The following CASP2 variants were observed in gnomAD, a reference collection of about 807,000 sequenced individuals.
The protein encoded by CASP2 is caspase-2.
A neutral mutation model predicts 54.4 loss-of-function variants in CASP2; 38 were observed. That is an observed-to-expected ratio of 0.70 (90% confidence interval 0.54 to 0.92). The LOEUF is 0.92. CASP2 is among the 40% of genes least tolerant of loss of function. CASP2 has a pLI of 0.00. For missense variants in CASP2, 512 were observed against 579.6 expected (o/e 0.88, Z 1.20); for synonymous variants, 215 against 216.3 (o/e 0.99, Z 0.05).
chr7:143,300,617 T>G (rs1319042787), intron 8 of CASP2: 2 of 1,360,072 alleles, frequency 1.5e-6, no homozygotes, highest in African/African-American at 1.5e-5. Context: ...GTGCCCTTTT[T>G]TTGGTTACTC....
chr7:143,289,274 T>G (rs1801480824), intron 1 of CASP2, among the ~76,000 whole-genome samples: 1 of 152,192 alleles, frequency 6.6e-6, no homozygotes, highest in African/African-American at 2.4e-5. Flanking sequence ...AAATTCTAAA[T>G]GATTGGAAAC....
At chr7:143,288,814 C>G (rs995448627) in intron 1 of CASP2, among the ~76,000 whole-genome samples, 1 of 152,220 alleles carries the variant, frequency 6.6e-6, no homozygotes, top group Non-Finnish European at 1.5e-5. Context: ...CAGTCCTGCC[C>G]GCTCTTGGGT....
Position 143,300,206 on chromosome 7 carries a change from C to G in CASP2, c.879C>G (p.Leu293=), listed in dbSNP as rs763497851. 6 of 1,614,026 alleles carry G rather than the reference C, an allele frequency of 3.7e-6. No individual in the cohort carries two copies. The African/African-American group carries it at 6.7e-5, about 18-fold the overall frequency. Residue 293 remains leucine, a splice_region_variant and synonymous_variant, in exon 8 of 11, where the codon CTC becomes CTG. Transcript: ENST00000310447. ...TCTTCCTTCTTTCTTTCTGGCAGCTCCAAGAGGTTTTTCAGCTCTTTGACA... is the reference window on the plus strand; with the variant it reads ...TCTTCCTTCTTTCTTTCTGGCAGCTGCAAGAGGTTTTTCAGCTCTTTGACA... ...IYGVDGKLLQ[L]QEVFQLFDNA... is the part of the protein sequence containing the mutation.
intron 6 of CASP2, among the ~76,000 whole-genome samples, chr7:143,297,051 A>G (rs1221942082): frequency 6.6e-6 from 1 of 152,210 alleles, no homozygotes; most frequent in East Asian, 1.9e-4. Context: ...TTGGGTCACA[A>G]ACTGCTTTGA....
intron 4 of CASP2, 121 bp from the exon 5 acceptor site, chr7:143,294,109 T>TA: frequency 1.4e-6 from 1 of 722,504 alleles, no homozygotes; most frequent in Non-Finnish European, 2.5e-6. Flanking sequence ...CAGGTTTGGG[T>TA]AGTGAGTGAG....
Position 143,307,497 on chromosome 7 carries a change from G to T in CASP2, c.*2426G>T, listed in dbSNP as rs1802096086. Reference sequence around the variant, plus strand: ...GATAACTTCCTTCACATCTCCCATGGTCCCTAGCAAAATGCTAGGCCTGTA... The same window carrying T: ...GATAACTTCCTTCACATCTCCCATGTTCCCTAGCAAAATGCTAGGCCTGTA... On this transcript the variant is annotated 3_prime_UTR_variant, in exon 11 of 11. Transcript: ENST00000310447. 6.6e-6 allele frequency: 1 copy of T among 152,126 alleles called. No homozygotes were observed. Among genetic ancestry groups the T allele is most frequent in the African/African-American group, 2.4e-5 (1 of 41,408 alleles). The allele number at this position is 152,126 out of a possible 1,614,324, so 9.4% of individuals were successfully genotyped here.
intron 5 of CASP2, 44 bp downstream of exon 5, chr7:143,294,368 A>G (rs781643409): frequency 1.5e-6 from 2 of 1,335,934 alleles, no homozygotes; most frequent in South Asian, 2.3e-5. Flanking sequence ...TTGGGAAATT[A>G]GACACCCTTC....
In CASP2 at chr7:143,306,821, C is replaced by G. The variant is rs1189409558; in HGVS notation, c.*1750C>G. ...AGGATTTGGTTGTTTAAATATAAAT[C>G]TGATCACCCCCCTGCTTAGAACCCT... is the stretch of plus-strand genomic sequence containing the variant. On this transcript the variant is annotated 3_prime_UTR_variant, in exon 11 of 11. Coordinates refer to ENST00000310447, the MANE Select transcript of CASP2 (RefSeq NM_032982.4). The G allele has an allele frequency of 6.6e-6, 1 of 152,146 alleles. No homozygotes were observed. The highest frequency in any genetic ancestry group is 1.5e-5 in the Non-Finnish European group (1 of 68,056). The allele number at this position is 152,146 out of a possible 1,614,324, so 9.4% of individuals were successfully genotyped here. A position where few individuals can be genotyped will look rare whatever the true frequency, so the allele number is the denominator to read the frequency against.
At chr7:143,303,219 C>T (rs1204534435) in intron 8 of CASP2, 2 of 151,972 alleles carry the variant, frequency 1.3e-5, no homozygotes, top group East Asian at 1.9e-4. Flanking sequence ...CATAGTGCTT[C>T]GAAGATATCA....
At chr7:143,298,321 A>G (rs1269138061) in intron 6 of CASP2, among the ~76,000 whole-genome samples, 2 of 152,270 alleles carry the variant, frequency 1.3e-5, no homozygotes, top group African/African-American at 4.8e-5. Flanking sequence ...AGTTTATAAT[A>G]AAATGAACTT....
At chr7:143,293,685 GT>G (rs902225509) in intron 4 of CASP2, among the ~76,000 whole-genome samples, 36 of 151,660 alleles carry the variant, frequency 2.4e-4, no homozygotes, top group African/African-American at 8.2e-4. Flanking sequence ...AATTTTTTGT[GT>G]TTTTAGTAAG....
At position 143,288,460 on chromosome 7, in the gene CASP2, C is replaced by G. The variant is rs765220960; in HGVS notation, c.5C>G (p.Ala2Gly). The G allele has an allele frequency of 4.3e-6, 7 of 1,612,686 alleles. No individual in the cohort carries two copies. The highest frequency in any genetic ancestry group is 5.9e-6 in the Non-Finnish European group (7 of 1,179,604). Residue 2 changes from alanine (A) to glycine (G), a missense_variant, in exon 1 of 11, where the codon GCG becomes GGG. Ala to Gly is a moderately conservative substitution (Grantham distance 60). Transcript: ENST00000310447. ...AGAGCCCGGGAAAAGCGGGAAATGG[C>G]GGCGCCGAGCGCGGGGTCTTGGTCC... M[A>G]APSAGSWSTF... is the part of the protein sequence containing the mutation.
At chr7:143,300,321 G>A in intron 8 of CASP2, 27 bp downstream of exon 8, 1 of 1,611,304 alleles carries the variant, frequency 6.2e-7, no homozygotes, top group Non-Finnish European at 8.5e-7. Context: ...ACCAGCACCT[G>A]GGTGGTGGCT....
At chr7:143,304,831 C>T (rs1262655369) in intron 10 of CASP2, 48 bp downstream of exon 10, 1 of 1,604,700 alleles carries the variant, frequency 6.2e-7, no homozygotes, top group African/African-American at 1.3e-5. Context: ...CAGTGCTCTA[C>T]TTTCCTCCTC....
chr7:143,303,931 A>G lies in CASP2; in HGVS notation c.1115A>G (p.Lys372Arg), dbSNP rs1452992799. Residue 372 changes from lysine (K) to arginine (R), a missense_variant and splice_region_variant, in exon 9 of 11, where the codon AAA becomes AGA. By Grantham distance (26) the Lys-to-Arg change is conservative. This residue lies in a region of CASP2 where 417 missense variants were observed against 495.4 expected (regional missense o/e 0.84). Transcript: ENST00000310447. The part of the protein sequence containing the change: ...SDMICGYACL[K>R]GTAAMRNTKR... ...ATGATATGCGGCTATGCCTGCCTCA[A>G]AGGTACTTTGAGTTCCAAAAGAGTT... is the stretch of plus-strand genomic sequence containing the variant. 5 of 1,588,852 alleles carry G rather than the reference A, an allele frequency of 3.1e-6. No homozygotes were observed. The highest frequency in any genetic ancestry group is 2.7e-5 in the African/African-American group (2 of 74,384).
chr7:143,292,903 C>T (rs1006932119), intron 4 of CASP2, among the ~76,000 whole-genome samples: 16 of 152,048 alleles, frequency 1.1e-4, no homozygotes, highest in South Asian at 4.1e-4. Flanking sequence ...CCCAGCTACT[C>T]GGGAAGCTGG....
In CASP2 at chr7:143,305,126, G is replaced by GAT; in HGVS notation, c.*57_*58dup. 1 of 1,608,846 alleles carries GAT rather than the reference G, an allele frequency of 6.2e-7. No homozygotes were observed. The highest frequency in any genetic ancestry group is 2.2e-5 in the East Asian group (1 of 44,842). On this transcript the variant is annotated 3_prime_UTR_variant, in exon 11 of 11. Transcript: ENST00000310447. ...GAAGCCACTGGACCACAGGAGGTGT[G>GAT]ATAGAGCCTTTGATCTTCAGGATGC...
intron 8 of CASP2, chr7:143,300,808 C>T: frequency 8.6e-7 from 1 of 1,161,614 alleles, no homozygotes; most frequent in South Asian, 1.8e-5. Context: ...AGAACAGAAT[C>T]CGTGTTGGCC....
chr7:143,288,689 G>C, intron 1 of CASP2, among the ~76,000 whole-genome samples, 160 bp downstream of exon 1: 1 of 152,220 alleles, frequency 6.6e-6, no homozygotes, highest in East Asian at 1.9e-4. Context: ...GCCGCTCCGA[G>C]CCTGACTCCG....
Sources: allele counts gnomAD v4.1 joint callset (sites outside exome capture counted in the v4.1 genomes callset), GRCh38; gene constraint gnomAD v4.1.1; regional missense constraint gnomAD v4.1.1; transcripts MANE v1.5; gene names NCBI Gene and HGNC (gene_info 2026-07-23, HGNC 2026-07-21).